ATE1: variants seen among roughly 807,000 people sequenced by gnomAD.
The protein encoded by ATE1 is arginyltransferase 1.
ATE1 carries 36 observed loss-of-function variants against 70.5 expected under a neutral mutation model. That is an observed-to-expected ratio of 0.51 (90% CI 0.39 to 0.67). The LOEUF (loss-of-function observed/expected upper bound fraction) is 0.67, where lower values mean the gene tolerates loss of function less well. ATE1 is among the 30% of genes least tolerant of loss of function. The pLI, the probability that ATE1 is intolerant of heterozygous loss-of-function variation, is 0.00. For synonymous variants in ATE1, 232 were observed against 219.3 expected (o/e 1.06, Z -0.51); for missense variants, 593 against 629.5 (o/e 0.94, Z 0.62).
At chr10:121,878,240 T>G (rs542713620) in intron 7 of ATE1, among the ~76,000 whole-genome samples, 1 of 152,132 alleles carries the variant, frequency 6.6e-6, no homozygotes, top group Admixed American at 6.6e-5. Context: ...GAGGGAGCCT[T>G]CTAGCATGCT....
chr10:121,829,533 C>T (rs1311702180), intron 10 of ATE1, among the ~76,000 whole-genome samples: 9 of 151,724 alleles, frequency 5.9e-5, no homozygotes, highest in Non-Finnish European at 1.3e-4. Flanking sequence ...GATGGTGAAA[C>T]CCCATCTCTA....
chr10:121,810,212 T>C (rs1420089808), intron 10 of ATE1, among the ~76,000 whole-genome samples: 1 of 152,270 alleles, frequency 6.6e-6, no homozygotes, highest in Admixed American at 6.5e-5. Context: ...TCATGTGATA[T>C]AAAAATCCTA....
rs776213584 is a variant in ATE1, at chr10:121,868,137, TA to T, written c.975+1868del. 4.2e-4 allele frequency among the ~76,000 whole-genome samples: 64 copies of T among 151,608 alleles called. 1 individual carries two copies. In the East Asian group the frequency reaches 5.0e-3, roughly 12 times the overall value. On this transcript the variant is annotated intron_variant, in intron 8 of 11. Coordinates refer to ENST00000224652, the MANE Select transcript of ATE1 (RefSeq NM_001001976.3). ...TAAAAAATAAGATATCTTGATAGGT[TA>T]AAAAAAAATTATAGATCACTGTCAT... is the stretch of plus-strand genomic sequence containing the variant.
intron 10 of ATE1, among the ~76,000 whole-genome samples, chr10:121,793,071 A>G (rs1946516970): frequency 6.6e-6 from 1 of 152,224 alleles, no homozygotes; most frequent in African/African-American, 2.4e-5. Flanking sequence ...TAACAACTCA[A>G]TAATAAGAAC....
chr10:121,805,223 G>A (rs1299967488), intron 10 of ATE1, among the ~76,000 whole-genome samples: 1 of 152,090 alleles, frequency 6.6e-6, no homozygotes, highest in Non-Finnish European at 1.5e-5. Flanking sequence ...TAAACCAAAT[G>A]TACTATGAGC....
intron 10 of ATE1, among the ~76,000 whole-genome samples, chr10:121,810,390 C>G (rs1240721617): frequency 6.6e-6 from 1 of 151,988 alleles, no homozygotes; most frequent in Non-Finnish European, 1.5e-5. Context: ...TCTGCCTCAG[C>G]CTCTCAAGTA....
At chr10:121,873,678 CT>C (rs1287023459) in intron 7 of ATE1, among the ~76,000 whole-genome samples, 1 of 149,650 alleles carries the variant, frequency 6.7e-6, no homozygotes, top group Non-Finnish European at 1.5e-5. Flanking sequence ...TAATGACTTC[CT>C]TTTTGGTAAG....
chr10:121,811,548 AAG>A (rs1432738943), intron 10 of ATE1, among the ~76,000 whole-genome samples: 5 of 152,184 alleles, frequency 3.3e-5, no homozygotes, highest in Non-Finnish European at 4.4e-5. Context: ...ATACTAACTG[AAG>A]GCCTTGGGCT....
At chr10:121,822,331 CA>C (rs1360740910) in intron 10 of ATE1, among the ~76,000 whole-genome samples, 1 of 152,068 alleles carries the variant, frequency 6.6e-6, no homozygotes, top group African/African-American at 2.4e-5. Context: ...CAGAAACAGG[CA>C]AAACTAGTCT....
chr10:121,783,222 C>A (rs1297449481), intron 11 of ATE1, among the ~76,000 whole-genome samples: 1 of 151,938 alleles, frequency 6.6e-6, no homozygotes, highest in African/African-American at 2.4e-5. Context: ...ATTATAAGAA[C>A]TCTATTATCA....
intron 7 of ATE1, among the ~76,000 whole-genome samples, chr10:121,895,924 C>CAA (rs529211208): frequency 3.1e-4 from 39 of 127,386 alleles, no homozygotes; most frequent in East Asian, 1.3e-3. Flanking sequence ...CTCCCCCCAC[C>CAA]AAAAAAAAAA....
At chr10:121,787,606 C>T (rs971484359) in intron 11 of ATE1, among the ~76,000 whole-genome samples, 1 of 152,154 alleles carries the variant, frequency 6.6e-6, no homozygotes, top group Non-Finnish European at 1.5e-5. Context: ...AAATTTACTT[C>T]TTTCTAAATG....
At chr10:121,755,918 C>G (rs1281744292) in intron 11 of ATE1, among the ~76,000 whole-genome samples, 2 of 152,182 alleles carry the variant, frequency 1.3e-5, no homozygotes, top group African/African-American at 4.8e-5. Context: ...CGTATCTTCA[C>G]ATTTTCAAAC....
intron 8 of ATE1, among the ~76,000 whole-genome samples, chr10:121,859,440 T>C (rs1220844312): frequency 6.6e-6 from 1 of 151,636 alleles, no homozygotes; most frequent in Admixed American, 6.6e-5. Flanking sequence ...GTATTTTTAG[T>C]AGAGACGGGG....
chr10:121,827,440 C>G (rs973996157), intron 10 of ATE1, among the ~76,000 whole-genome samples: 2 of 152,296 alleles, frequency 1.3e-5, no homozygotes, highest in Non-Finnish European at 2.9e-5. Flanking sequence ...CCAAGAGGAC[C>G]AGCACCACTG....
At chr10:121,921,511 G>A (rs960197076) in intron 3 of ATE1, among the ~76,000 whole-genome samples, 19 of 148,094 alleles carry the variant, frequency 1.3e-4, no homozygotes, top group Admixed American at 1.1e-3. Context: ...TTTGTTTTAC[G>A]GAATGAGTTC....
intron 7 of ATE1, among the ~76,000 whole-genome samples, chr10:121,885,602 T>C (rs908431971): frequency 5.3e-5 from 8 of 149,744 alleles, no homozygotes; most frequent in African/African-American, 2.0e-4. Context: ...CTAAAGCATT[T>C]CAAAATGTGG....
Position 121,741,806 on chromosome 10 carries a change from C to A in ATE1, c.*1874G>T, listed in dbSNP as rs1420916538. On this transcript the variant is annotated 3_prime_UTR_variant, in exon 12 of 12. Coordinates refer to ENST00000224652, the MANE Select transcript of ATE1 (RefSeq NM_001001976.3). Reference sequence around the variant, plus strand: ...ATAAAACAGCATGTAGAACATAATTCTATTTATATTAAAATTACATAGGTA... The same window carrying A: ...ATAAAACAGCATGTAGAACATAATTATATTTATATTAAAATTACATAGGTA... 6.6e-6 allele frequency: 1 copy of A among 152,142 alleles called. No individual in the cohort carries two copies. Among genetic ancestry groups the A allele is most frequent in the African/African-American group, 2.4e-5 (1 of 41,420 alleles). 9.4% of individuals were successfully genotyped at this position (152,142 alleles called of 1,614,324 possible). A position where few individuals can be genotyped will look rare whatever the true frequency, so the allele number is the denominator to read the frequency against.
intron 10 of ATE1, among the ~76,000 whole-genome samples, chr10:121,833,886 T>TCAGA (rs1481169479): frequency 6.6e-6 from 1 of 152,188 alleles, no homozygotes; most frequent in African/African-American, 2.4e-5. Flanking sequence ...ACAGTGATTC[T>TCAGA]CTAGTCTGAC....
Sources: gnomAD v4.1 joint callset for allele counts (sites outside exome capture counted in the v4.1 genomes callset) on GRCh38, gnomAD v4.1.1 for gene constraint, MANE v1.5 for transcripts, NCBI Gene and HGNC (gene_info 2026-07-23, HGNC 2026-07-21) for gene names.